The following STON2 variants were observed in gnomAD, a reference collection of about 807,000 sequenced individuals.
The protein encoded by STON2 is stonin 2, also known as stonin-2.
STON2 carries 29 observed loss-of-function variants against 65.7 expected under a neutral mutation model. That is an observed-to-expected ratio of 0.44 (90% CI 0.33 to 0.60). The LOEUF (loss-of-function observed/expected upper bound fraction) is 0.60. Ranked by LOEUF, STON2 falls within the 20% of genes least tolerant of loss-of-function variation. The probability of loss-of-function intolerance (pLI) is 0.03; values close to 1 mark genes in which losing one functional copy is unlikely to be tolerated. For synonymous variants in STON2, 404 were observed against 414.2 expected (o/e 0.98, Z 0.30); for missense variants, 1,054 against 1,118.1 (o/e 0.94, Z 0.82).
intron 4 of STON2, among the ~76,000 whole-genome samples, chr14:81,330,195 C>T (rs1040141387): frequency 9.2e-5 from 14 of 152,250 alleles, no homozygotes; most frequent in African/African-American, 2.7e-4. Flanking sequence ...CCATCACCCC[C>T]TCTCGGCACC....
intron 5 of STON2, among the ~76,000 whole-genome samples, chr14:81,302,101 C>T (rs1227175294): frequency 6.6e-6 from 1 of 152,142 alleles, no homozygotes; most frequent in Non-Finnish European, 1.5e-5. Flanking sequence ...AACATCAGGA[C>T]TAATGGGAGT....
chr14:81,348,355 GAAAAACCTGA>G (rs1181177959), intron 4 of STON2, among the ~76,000 whole-genome samples: 3 of 152,030 alleles, frequency 2.0e-5, no homozygotes, highest in Non-Finnish European at 4.4e-5. Context: ...ATCTTATATA[GAAAAACCTGA>G]AAATACCACT....
intron 3 of STON2, among the ~76,000 whole-genome samples, chr14:81,374,129 G>GC (rs1899138618): frequency 7.4e-6 from 1 of 135,942 alleles, no homozygotes; most frequent in African/African-American, 2.8e-5. Context: ...TCATGCTTTA[G>GC]CCTCCCAAGT....
chr14:81,426,674 C>A (rs1366484959), intron 2 of STON2, among the ~76,000 whole-genome samples: 1 of 152,196 alleles, frequency 6.6e-6, no homozygotes, highest in East Asian at 1.9e-4. Flanking sequence ...CCCCCTCGCC[C>A]GAAACATCGA....
Position 81,371,305 on chromosome 14 carries a change from C to T in STON2, c.374-120G>A, listed in dbSNP as rs545651196. ...ATGAAATCTCAACAGTCATATGAGGCAAGGAAGTCTTGTATGGAGAGTATC... is the reference window on the plus strand; with the variant it reads ...ATGAAATCTCAACAGTCATATGAGGTAAGGAAGTCTTGTATGGAGAGTATC... On this transcript the variant is annotated intron_variant, in intron 3 of 7. Coordinates refer to ENST00000614646, the MANE Select transcript of STON2 (RefSeq NM_001394390.1). 8 of 921,074 alleles carry T rather than the reference C, an allele frequency of 8.7e-6. No homozygotes were observed. The South Asian group carries it at 1.3e-4, about 15-fold the overall frequency. 57.1% of individuals were successfully genotyped at this position (921,074 alleles called of 1,614,324 possible). A position where few individuals can be genotyped will look rare whatever the true frequency, so the allele number is the denominator to read the frequency against.
rs950183051 is a variant in STON2 at position 81,265,062 on chromosome 14, GATT to G, written c.*3349_*3351del. 1.0e-6 allele frequency: 1 copy of G among 980,534 alleles called. No homozygotes were observed. The highest frequency in any genetic ancestry group is 1.2e-6 in the Non-Finnish European group (1 of 826,554). 60.7% of individuals were successfully genotyped at this position (980,534 alleles called of 1,614,324 possible). Reference sequence around the variant, plus strand: ...ATATTTTCACATTATTGATAACAAAGATTATTTGTGACCACAAAAAAAAAAAAT... The same window carrying G: ...ATATTTTCACATTATTGATAACAAAGATTTGTGACCACAAAAAAAAAAAAT... On this transcript the variant is annotated 3_prime_UTR_variant, in exon 8 of 8. Transcript: ENST00000614646.
intron 4 of STON2, among the ~76,000 whole-genome samples, chr14:81,331,619 C>T (rs576889433): frequency 2.0e-4 from 30 of 152,358 alleles, no homozygotes; most frequent in African/African-American, 6.7e-4. Flanking sequence ...ACTGCAGACC[C>T]TCAGATCACT....
intron 4 of STON2, among the ~76,000 whole-genome samples, chr14:81,361,056 T>C (rs1332844258): frequency 6.6e-6 from 1 of 152,158 alleles, no homozygotes; most frequent in African/African-American, 2.4e-5. Flanking sequence ...ACTGTTAAAA[T>C]GACCATACCA....
At chr14:81,283,529 C>CCTTTTTTT (rs1895208907) in intron 5 of STON2, among the ~76,000 whole-genome samples, 1 of 95,412 alleles carries the variant, frequency 1.0e-5, no homozygotes, top group South Asian at 3.5e-4. Flanking sequence ...ACAGATACTG[C>CCTTTTTTT]ATTTTTTTTT....
rs1446530528 is a variant in STON2 at position 81,262,443 on chromosome 14, T to A, written c.*5971A>T. Reference sequence around the variant, plus strand: ...CCATCTATCCCTTTTTACTATGCAATCTTTATTTTTCCTGGAGCTTCTTAC... The same window carrying A: ...CCATCTATCCCTTTTTACTATGCAAACTTTATTTTTCCTGGAGCTTCTTAC... On this transcript the variant is annotated 3_prime_UTR_variant, in exon 8 of 8. Coordinates refer to ENST00000614646, the MANE Select transcript of STON2 (RefSeq NM_001394390.1). 2 of 985,232 alleles carry A rather than the reference T, an allele frequency of 2.0e-6. No homozygotes were observed. Among genetic ancestry groups the A allele is most frequent in the Non-Finnish European group, 2.4e-6 (2 of 829,824 alleles). The allele number at this position is 985,232 out of a possible 1,614,324, so 61.0% of individuals were successfully genotyped here. A position where few individuals can be genotyped will look rare whatever the true frequency, so the allele number is the denominator to read the frequency against.
chr14:81,308,750 A>G (rs2140205339), intron 5 of STON2, among the ~76,000 whole-genome samples: 1 of 144,710 alleles, frequency 6.9e-6, no homozygotes, highest in Non-Finnish European at 1.5e-5. Flanking sequence ...TCAAGAGACA[A>G]CCAAATTCAC....
intron 5 of STON2, among the ~76,000 whole-genome samples, chr14:81,279,519 T>C (rs537668875): frequency 4.6e-5 from 7 of 152,188 alleles, no homozygotes; most frequent in Admixed American, 3.3e-4. Flanking sequence ...TGAAACCCAA[T>C]GTCTACTAAA....
chr14:81,358,029 A>C (rs992804157), intron 4 of STON2, among the ~76,000 whole-genome samples: 1 of 152,112 alleles, frequency 6.6e-6, no homozygotes, highest in Non-Finnish European at 1.5e-5. Flanking sequence ...CCTAAAACTT[A>C]AAGTATAAAA....
chr14:81,411,831 A>G (rs1901176767), intron 2 of STON2, among the ~76,000 whole-genome samples: 1 of 152,238 alleles, frequency 6.6e-6, no homozygotes, highest in Admixed American at 6.5e-5. Context: ...AGTCAACCAA[A>G]AACAAAAGAC....
Position 81,267,943 on chromosome 14 carries a change from C to G in STON2, c.*471G>C. 1.0e-6 allele frequency: 1 copy of G among 985,614 alleles called. No homozygotes were observed. The highest frequency in any genetic ancestry group is 4.7e-5 in the South Asian group (1 of 21,298). 61.1% of individuals were successfully genotyped at this position (985,614 alleles called of 1,614,324 possible). On this transcript the variant is annotated 3_prime_UTR_variant, in exon 8 of 8. Transcript: ENST00000614646. The stretch of plus-strand genomic sequence containing the variant: ...AAATTTGTTTTGCACCTTTTCTGAA[C>G]CTTTTCTAGACAGAGTGAAAGAGAT...
At chr14:81,338,743 T>G (rs1185330508) in intron 4 of STON2, among the ~76,000 whole-genome samples, 1 of 152,166 alleles carries the variant, frequency 6.6e-6, no homozygotes. Flanking sequence ...ATTTCATTGG[T>G]GTCTGCTGGA....
chr14:81,363,232 T>C (rs1321862577), intron 4 of STON2, among the ~76,000 whole-genome samples: 4 of 152,252 alleles, frequency 2.6e-5, no homozygotes, highest in Middle Eastern at 3.4e-3. Flanking sequence ...ATTGTGAAGA[T>C]TAAATGAGAT....
At chr14:81,380,522 C>T (rs1899463366) in intron 3 of STON2, among the ~76,000 whole-genome samples, 1 of 152,120 alleles carries the variant, frequency 6.6e-6, no homozygotes, top group Admixed American at 6.5e-5. Flanking sequence ...CACATGCACA[C>T]ATATGTTCCT....
At chr14:81,304,552 G>C (rs1375502009) in intron 5 of STON2, among the ~76,000 whole-genome samples, 1 of 152,092 alleles carries the variant, frequency 6.6e-6, no homozygotes, top group Non-Finnish European at 1.5e-5. Context: ...GTGAAACCCT[G>C]TCTCCACAAA....
Sources: gnomAD v4.1 joint callset for allele counts (sites outside exome capture counted in the v4.1 genomes callset) on GRCh38, gnomAD v4.1.1 for gene constraint, MANE v1.5 for transcripts, NCBI Gene and HGNC (gene_info 2026-07-23, HGNC 2026-07-21) for gene names.